The following EEIG1 variants were observed in gnomAD, a reference collection of about 807,000 sequenced individuals.
The protein encoded by EEIG1 is early estrogen-induced gene 1 protein.
chr9:127,971,350 C>G, the EEIG1 span, among the ~76,000 whole-genome samples: 1 of 152,246 alleles, frequency 6.6e-6, no homozygotes, highest in Non-Finnish European at 1.5e-5. Flanking sequence ...GCCCCAGCCC[C>G]CTCCTCCTTT....
the EEIG1 span, among the ~76,000 whole-genome samples, chr9:127,963,093 G>A: frequency 3.9e-5 from 6 of 152,370 alleles, no homozygotes; most frequent in African/African-American, 1.4e-4. Flanking sequence ...CAGGCAGGGA[G>A]CTCAGAGCAG....
chr9:127,970,479 C>T, the EEIG1 span, among the ~76,000 whole-genome samples: 1 of 152,202 alleles, frequency 6.6e-6, no homozygotes, highest in Admixed American at 6.5e-5. Context: ...AGACTGCTTC[C>T]TGCTGTGAGT....
chr9:127,965,681 G>A, the EEIG1 span, among the ~76,000 whole-genome samples: 2 of 152,350 alleles, frequency 1.3e-5, no homozygotes, highest in African/African-American at 4.8e-5. Context: ...CCCGGCTGAT[G>A]AAACCCAGCC....
At chr9:127,976,336 G>A in the EEIG1 span, among the ~76,000 whole-genome samples, 6 of 152,242 alleles carry the variant, frequency 3.9e-5, no homozygotes, top group African/African-American at 1.4e-4. This position sits in a 1 kb window ranked among gnomAD's most constrained non-coding sequence, Gnocchi z 4.1. Context: ...CAGCCCATGG[G>A]GTAGGTGACT....
the EEIG1 span, among the ~76,000 whole-genome samples, chr9:127,959,621 T>A: frequency 1.4e-4 from 22 of 152,118 alleles, no homozygotes; most frequent in African/African-American, 5.3e-4. Flanking sequence ...CATGAGTGAG[T>A]GAGTTCTCAT....
the EEIG1 span, among the ~76,000 whole-genome samples, chr9:127,959,064 A>G: frequency 6.6e-6 from 1 of 152,270 alleles, no homozygotes; most frequent in Admixed American, 6.5e-5. Context: ...GGAATGTAAA[A>G]TGGTGCAGCC....
the EEIG1 span, among the ~76,000 whole-genome samples, chr9:127,974,101 G>C: frequency 6.6e-6 from 1 of 152,128 alleles, no homozygotes; most frequent in African/African-American, 2.4e-5. Context: ...CACTTACTAA[G>C]TACTAGGCAT....
chr9:127,940,704 C>T, the EEIG1 span: 1 of 152,092 alleles, frequency 6.6e-6, no homozygotes, highest in African/African-American at 2.4e-5. Flanking sequence ...ACACAGCCCA[C>T]TCAAGCAGTG....
At chr9:127,950,593 G>A in the EEIG1 span, 25 of 1,594,792 alleles carry the variant, frequency 1.6e-5, no homozygotes, top group South Asian at 2.7e-4. Context: ...GCTCCTGGCT[G>A]GCGGAAGCCC....
chr9:127,961,232 C>G, the EEIG1 span, among the ~76,000 whole-genome samples: 1 of 152,242 alleles, frequency 6.6e-6, no homozygotes, highest in Non-Finnish European at 1.5e-5. Context: ...CTGCCTCCCC[C>G]TCAGCCCCGG....
At chr9:127,948,049 G>A in the EEIG1 span, 2 of 1,599,840 alleles carry the variant, frequency 1.3e-6, no homozygotes, top group Non-Finnish European at 1.7e-6. Context: ...CAGGGGAGGG[G>A]CGGACAGATG....
At chr9:127,976,366 T>A in the EEIG1 span, among the ~76,000 whole-genome samples, 1 of 152,116 alleles carries the variant, frequency 6.6e-6, no homozygotes, top group Non-Finnish European at 1.5e-5. The surrounding 1 kb of genome is among the most constrained non-coding windows in gnomAD (Gnocchi z 4.1). Flanking sequence ...CAAATAATCA[T>A]CTATTTGAGG....
the EEIG1 span, among the ~76,000 whole-genome samples, chr9:127,978,019 G>C: frequency 7.9e-5 from 12 of 152,200 alleles, no homozygotes; most frequent in African/African-American, 2.9e-4. Flanking sequence ...CCTTCTCTCT[G>C]AAACCTCAGA....
At chr9:127,979,348 G>T in the EEIG1 span, among the ~76,000 whole-genome samples, 1 of 152,356 alleles carries the variant, frequency 6.6e-6, no homozygotes, top group South Asian at 2.1e-4. Context: ...GTTGCATTCA[G>T]CAACAAGCTG....
the EEIG1 span, among the ~76,000 whole-genome samples, chr9:127,954,488 G>A: frequency 1.3e-5 from 2 of 152,188 alleles, no homozygotes; most frequent in African/African-American, 2.4e-5. Context: ...AATGACAATA[G>A]TAACAACAGC....
At chr9:127,975,933 T>C in the EEIG1 span, among the ~76,000 whole-genome samples, 3 of 152,154 alleles carry the variant, frequency 2.0e-5, no homozygotes, top group African/African-American at 4.8e-5. Context: ...TGGATACATA[T>C]GCCTGGGAGA....
chr9:127,953,893 C>T, the EEIG1 span: 6 of 1,613,968 alleles, frequency 3.7e-6, no homozygotes, highest in Non-Finnish European at 5.1e-6. Context: ...GAACCTCTTT[C>T]GCCACCGCAC....
chr9:127,954,646 C>T, the EEIG1 span, among the ~76,000 whole-genome samples: 1 of 152,208 alleles, frequency 6.6e-6, no homozygotes, highest in African/African-American at 2.4e-5. Flanking sequence ...ACATCATCAG[C>T]TCAATCCCCA....
At chr9:127,952,874 T>C in the EEIG1 span, among the ~76,000 whole-genome samples, 1 of 152,088 alleles carries the variant, frequency 6.6e-6, no homozygotes, top group East Asian at 1.9e-4. Context: ...CCACCACACC[T>C]GGTTAATTTT....
Sources: allele counts gnomAD v4.1 joint callset (sites outside exome capture counted in the v4.1 genomes callset), GRCh38; gene constraint gnomAD v4.1.1; non-coding constraint Gnocchi (gnomAD v3.1); transcripts MANE v1.5; gene names NCBI Gene and HGNC (gene_info 2026-07-23, HGNC 2026-07-21).